Variants in CEP112 observed in about 807,000 individuals in gnomAD.
CEP112 encodes the protein centrosomal protein 112.
A neutral mutation model predicts 153.0 loss-of-function variants in CEP112; 127 were observed. The ratio of observed to expected loss-of-function variants is 0.83; its 90% CI spans 0.72 to 0.96. The LOEUF (loss-of-function observed/expected upper bound fraction) is 0.96, where lower values mean the gene tolerates loss of function less well. CEP112 is among the 40% of genes least tolerant of loss of function. The pLI is 0.00. For synonymous variants in CEP112, 358 were observed against 374.4 expected (o/e 0.96, Z 0.51); for missense variants, 1,089 against 1,101.2 (o/e 0.99, Z 0.16).
intron 8 of CEP112, among the ~76,000 whole-genome samples, chr17:66,090,141 G>A (rs1172784220): frequency 6.6e-6 from 1 of 151,992 alleles, no homozygotes; most frequent in Non-Finnish European, 1.5e-5. Context: ...AAAGCCTTAG[G>A]GAGTTCATGA....
chr17:65,766,862 C>A (rs2053013869), intron 21 of CEP112, among the ~76,000 whole-genome samples: 1 of 134,950 alleles, frequency 7.4e-6, no homozygotes, highest in South Asian at 2.6e-4. Flanking sequence ...GACATTAGAG[C>A]ACACTAGACA....
At chr17:65,645,280 G>A (rs1817981959) in intron 24 of CEP112, among the ~76,000 whole-genome samples, 1 of 151,862 alleles carries the variant, frequency 6.6e-6, no homozygotes, top group African/African-American at 2.4e-5. Flanking sequence ...TGTTGCCCAG[G>A]CTGGTCTCCA....
At chr17:66,110,824 A>G (rs1169638344) in intron 6 of CEP112, among the ~76,000 whole-genome samples, 1 of 152,178 alleles carries the variant, frequency 6.6e-6, no homozygotes, top group Non-Finnish European at 1.5e-5. Flanking sequence ...CAAAGACACC[A>G]AAAGCAATTG....
chr17:65,960,371 T>C (rs2062156575), intron 18 of CEP112, among the ~76,000 whole-genome samples: 2 of 152,188 alleles, frequency 1.3e-5, no homozygotes, highest in African/African-American at 4.8e-5. Context: ...AAAACATTTA[T>C]GCCTGTAACA....
intron 18 of CEP112, among the ~76,000 whole-genome samples, chr17:65,930,363 G>C (rs1243591788): frequency 6.6e-6 from 1 of 152,154 alleles, no homozygotes; most frequent in Non-Finnish European, 1.5e-5. Context: ...TCAGTGAAAG[G>C]CAACGAGTTT....
At chr17:65,974,832 C>T (rs982702235) in intron 17 of CEP112, among the ~76,000 whole-genome samples, 1 of 152,030 alleles carries the variant, frequency 6.6e-6, no homozygotes, top group Non-Finnish European at 1.5e-5. Context: ...GATCATATAT[C>T]CACAGAAGTG....
At chr17:66,121,764 A>G (rs2069605633) in intron 6 of CEP112, among the ~76,000 whole-genome samples, 1 of 150,492 alleles carries the variant, frequency 6.6e-6, no homozygotes, top group Non-Finnish European at 1.5e-5. Flanking sequence ...TACAGTGGCT[A>G]TGCCTCCTGA....
intron 11 of CEP112, among the ~76,000 whole-genome samples, chr17:66,055,835 G>A (rs370122198): frequency 1.3e-5 from 2 of 152,194 alleles, no homozygotes; most frequent in East Asian, 3.9e-4. Flanking sequence ...TGATGTGTTT[G>A]AGGACTAGAT....
At chr17:66,058,086 C>CT (rs1166642773) in intron 11 of CEP112, among the ~76,000 whole-genome samples, 1 of 110,810 alleles carries the variant, frequency 9.0e-6, no homozygotes, top group Admixed American at 1.2e-4. Flanking sequence ...GGGCAAGACT[C>CT]TAAAAAAAAC....
intron 17 of CEP112, among the ~76,000 whole-genome samples, chr17:65,985,343 T>C (rs1478532327): frequency 6.6e-6 from 1 of 152,034 alleles, no homozygotes; most frequent in Non-Finnish European, 1.5e-5. Flanking sequence ...ATTAACAAAA[T>C]ACAAGAAGGC....
intron 21 of CEP112, among the ~76,000 whole-genome samples, chr17:65,784,648 T>G (rs2145663114): frequency 6.6e-6 from 1 of 152,172 alleles, no homozygotes; most frequent in East Asian, 1.9e-4. Flanking sequence ...GCCTGGCAAA[T>G]TTTTGTATTT....
chr17:65,924,377 A>C (rs1172408359), intron 19 of CEP112, among the ~76,000 whole-genome samples: 26 of 152,218 alleles, frequency 1.7e-4, no homozygotes, highest in Admixed American at 1.7e-3. Context: ...GCACATGTAT[A>C]AGTATTTCTA....
chr17:65,927,125 A>G (rs893591658), intron 19 of CEP112, among the ~76,000 whole-genome samples: 7 of 152,158 alleles, frequency 4.6e-5, no homozygotes, highest in Non-Finnish European at 8.8e-5. Context: ...GTCATTTAAA[A>G]GTGTACGGCA....
chr17:65,636,225 T>C (rs979126600), intron 26 of CEP112, among the ~76,000 whole-genome samples: 2 of 152,228 alleles, frequency 1.3e-5, no homozygotes, highest in African/African-American at 4.8e-5. Flanking sequence ...AGTCTTTCAC[T>C]GCACAAACAG....
chr17:65,638,430 G>A (rs1040649133), intron 25 of CEP112, among the ~76,000 whole-genome samples: 29 of 152,286 alleles, frequency 1.9e-4, no homozygotes, highest in Admixed American at 4.6e-4. Context: ...GGTTGATCCC[G>A]AAACATAGTT....
At chr17:65,997,653 A>G (rs940588477) in intron 17 of CEP112, among the ~76,000 whole-genome samples, 3 of 152,190 alleles carry the variant, frequency 2.0e-5, no homozygotes, top group Non-Finnish European at 4.4e-5. Flanking sequence ...ATGTTTTATT[A>G]TAATTTTTCC....
At chr17:65,808,726 T>TC (rs36114937) in intron 21 of CEP112, among the ~76,000 whole-genome samples, 7 of 152,194 alleles carry the variant, frequency 4.6e-5, no homozygotes, top group African/African-American at 1.7e-4. Flanking sequence ...ATTGTAAGTT[T>TC]CCTGAGGCCA....
Position 65,902,160 on chromosome 17 carries a change from C to T in CEP112, c.2155G>A (p.Asp719Asn). ...ATATTATTGATAATTACCTGTGCAT[C>T]TCGTTTCTTGAACTCCTGAATTTGA... ...ENQIQEFKKR[D>N]AQVIADMEAQ... The change falls in exon 20 of 27, where the codon GAT becomes AAT. Residue 719 changes from aspartate (D) to asparagine (N), a missense_variant. Physicochemically the swap from Asp to Asn is conservative, Grantham distance 23 (BLOSUM62 1). Coordinates refer to ENST00000535342, the MANE Select transcript of CEP112 (RefSeq NM_001199165.4). 6.2e-7 allele frequency: 1 copy of T among 1,612,378 alleles called. No individual in the cohort carries two copies. The highest frequency in any genetic ancestry group is 8.5e-7 in the Non-Finnish European group (1 of 1,178,884).
At chr17:65,930,570 C>T (rs1370544994) in intron 18 of CEP112, among the ~76,000 whole-genome samples, 1 of 152,172 alleles carries the variant, frequency 6.6e-6, no homozygotes, top group Non-Finnish European at 1.5e-5. Context: ...AATTAGAGTT[C>T]TAAGATTACT....
Sources: gnomAD v4.1 joint callset for allele counts (sites outside exome capture counted in the v4.1 genomes callset) on GRCh38, gnomAD v4.1.1 for gene constraint, MANE v1.5 for transcripts, NCBI Gene and HGNC (gene_info 2026-07-23, HGNC 2026-07-21) for gene names.